The following EXOC6B variants were observed in gnomAD, a reference collection of about 807,000 sequenced individuals.
EXOC6B encodes the protein exocyst complex component 6B, also known as SEC15 homolog B.
EXOC6B carries 54 observed loss-of-function variants against 113.5 expected under a neutral mutation model. The ratio of observed to expected loss-of-function variants is 0.48; its 90% confidence interval spans 0.38 to 0.60. The LOEUF (loss-of-function observed/expected upper bound fraction) is 0.60. EXOC6B is among the 20% of genes least tolerant of loss of function. The probability of loss-of-function intolerance (pLI) is 0.00; values close to 1 mark genes in which losing one functional copy is unlikely to be tolerated. For synonymous variants in EXOC6B, 357 were observed against 339.0 expected (o/e 1.05, Z -0.58); for missense variants, 797 against 977.5 (o/e 0.82, Z 2.46).
At chr2:72,721,321 G>A (rs1188169033) in intron 5 of EXOC6B, among the ~76,000 whole-genome samples, 8 of 123,490 alleles carry the variant, frequency 6.5e-5, no homozygotes, top group Admixed American at 2.0e-4. Flanking sequence ...AGAGTAAGAC[G>A]CCATCTCAAA....
At chr2:72,382,776 A>AT (rs1159637262) in intron 18 of EXOC6B, among the ~76,000 whole-genome samples, 2 of 151,648 alleles carry the variant, frequency 1.3e-5, no homozygotes, top group Non-Finnish European at 2.9e-5. Flanking sequence ...TAGGTATTTT[A>AT]TTTTTTTGTA....
intron 19 of EXOC6B, among the ~76,000 whole-genome samples, chr2:72,378,312 C>T (rs1261202190): frequency 6.6e-6 from 1 of 152,218 alleles, no homozygotes; most frequent in Non-Finnish European, 1.5e-5. Context: ...CCAGCTGTCA[C>T]ATCAGCCCTA....
intron 20 of EXOC6B, among the ~76,000 whole-genome samples, chr2:72,189,307 T>C (rs189871583): frequency 6.6e-6 from 1 of 152,228 alleles, no homozygotes; most frequent in African/African-American, 2.4e-5. Context: ...AGTTTGGTTT[T>C]GTCTAGTGGC....
intron 8 of EXOC6B, among the ~76,000 whole-genome samples, chr2:72,528,864 T>G (rs1393919817): frequency 6.6e-6 from 1 of 152,132 alleles, no homozygotes; most frequent in African/African-American, 2.4e-5. Context: ...AACAATTGAT[T>G]GATGTATGTT....
At chr2:72,241,454 G>T (rs914456418) in intron 20 of EXOC6B, among the ~76,000 whole-genome samples, 3 of 152,196 alleles carry the variant, frequency 2.0e-5, no homozygotes, top group African/African-American at 7.2e-5. Context: ...AGAAGTACTT[G>T]AAGTAACAGA....
rs544394794 is a variant in EXOC6B at position 72,644,223 on chromosome 2, G to A, written c.670-68555C>T. ...TGATTGAAGATCAAATTAATGAAATGAAGCAAGAAGATAAGTTTAGAGAAA... is the reference window on the plus strand; with the variant it reads ...TGATTGAAGATCAAATTAATGAAATAAAGCAAGAAGATAAGTTTAGAGAAA... On this transcript the variant is annotated intron_variant, in intron 6 of 21. Coordinates refer to ENST00000272427, the MANE Select transcript of EXOC6B (RefSeq NM_015189.3). Among the ~76,000 whole-genome samples the A allele has an allele frequency of 1.7e-4, 26 of 152,224 alleles. No individual in the cohort carries two copies. In the South Asian group the frequency reaches 3.7e-3, roughly 22 times the overall value.
chr2:72,529,182 T>G (rs147647109), intron 8 of EXOC6B, among the ~76,000 whole-genome samples: 1 of 152,086 alleles, frequency 6.6e-6, no homozygotes, highest in South Asian at 2.1e-4. Context: ...AGCTACGGGG[T>G]TTTGGCATGT....
At chr2:72,552,780 ATATAT>A (rs1176483678) in intron 8 of EXOC6B, among the ~76,000 whole-genome samples, 2 of 152,008 alleles carry the variant, frequency 1.3e-5, no homozygotes, top group East Asian at 3.8e-4. Context: ...TAAAGAATAA[ATATAT>A]TAATATGTAT....
intron 1 of EXOC6B, among the ~76,000 whole-genome samples, chr2:72,758,601 C>G (rs1682579939): frequency 6.6e-6 from 1 of 152,146 alleles, no homozygotes; most frequent in Admixed American, 6.5e-5. Flanking sequence ...ACAGTATAGA[C>G]TAGCCCATTT....
intron 1 of EXOC6B, among the ~76,000 whole-genome samples, chr2:72,757,383 C>A (rs923596938): frequency 4.6e-5 from 7 of 152,188 alleles, no homozygotes; most frequent in Admixed American, 1.3e-4. Context: ...CTTGTTAGTA[C>A]TTGTACACAG....
rs555789204 is a variant in EXOC6B at position 72,406,763 on chromosome 2, A to G, written c.1981-26893T>C. ...ACAAGAGAAAGCAGGAAAGATCTAA[A>G]ATGGACACCCTAACATCACAATTAA... On this transcript the variant is annotated intron_variant, in intron 18 of 21. Coordinates refer to ENST00000272427, the MANE Select transcript of EXOC6B (RefSeq NM_015189.3). 6.7e-4 allele frequency among the ~76,000 whole-genome samples: 102 copies of G among 152,334 alleles called. 3 individuals are homozygous for G. The highest frequency in any genetic ancestry group is 6.1e-3 in the Admixed American group (93 of 15,304).
intron 6 of EXOC6B, among the ~76,000 whole-genome samples, chr2:72,612,682 T>C (rs1299440467): frequency 6.6e-6 from 1 of 152,210 alleles, no homozygotes; most frequent in African/African-American, 2.4e-5. Flanking sequence ...ACAACTGGAT[T>C]TGCGTGCCTG....
At chr2:72,282,658 C>T (rs974078577) in intron 20 of EXOC6B, among the ~76,000 whole-genome samples, 4 of 152,040 alleles carry the variant, frequency 2.6e-5, no homozygotes, top group Non-Finnish European at 4.4e-5. Context: ...ACACTCTCCA[C>T]GCTGCTCATT....
intron 20 of EXOC6B, among the ~76,000 whole-genome samples, chr2:72,213,814 G>A (rs549006869): frequency 6.6e-6 from 1 of 152,134 alleles, no homozygotes; most frequent in African/African-American, 2.4e-5. Flanking sequence ...GACACAGCAA[G>A]AAGTTTCCAT....
Position 72,492,352 on chromosome 2 carries a change from T to C in EXOC6B, c.1631A>G (p.Asn544Ser). 2 of 1,612,686 alleles carry C rather than the reference T, an allele frequency of 1.2e-6. No individual in the cohort carries two copies. Among genetic ancestry groups the C allele is most frequent in the Non-Finnish European group, 1.7e-6 (2 of 1,178,940 alleles). Residue 544 changes from asparagine to serine, a missense_variant, in exon 16 of 22, where the codon AAT becomes AGT. Coordinates refer to ENST00000272427, the MANE Select transcript of EXOC6B (RefSeq NM_015189.3). ...CCCAATATTCTTCCTTTTAATTACA[T>C]TCTGCAGAGAGTTGCTCAGAGTCCT... ...LTRTLSNSLQ[N>S]VIKRKNIGLT...
intron 1 of EXOC6B, among the ~76,000 whole-genome samples, chr2:72,790,014 A>G (rs1346659465): frequency 1.3e-5 from 2 of 152,174 alleles, no homozygotes; most frequent in Admixed American, 6.5e-5. Context: ...ATACCAATTT[A>G]CCTGGATGCT....
chr2:72,190,900 A>G (rs1448820904), intron 20 of EXOC6B, among the ~76,000 whole-genome samples: 2 of 152,188 alleles, frequency 1.3e-5, no homozygotes, highest in Non-Finnish European at 2.9e-5. Context: ...AACTTGGTAG[A>G]ATAGGAGAGT....
At chr2:72,491,719 C>T (rs1699755020) in intron 16 of EXOC6B, among the ~76,000 whole-genome samples, 1 of 152,076 alleles carries the variant, frequency 6.6e-6, no homozygotes, top group African/African-American at 2.4e-5. Flanking sequence ...AATATCCCTC[C>T]TCTTTTTATG....
At chr2:72,460,048 G>A (rs935776770) in intron 18 of EXOC6B, among the ~76,000 whole-genome samples, 94 of 151,890 alleles carry the variant, frequency 6.2e-4, no homozygotes, top group African/African-American at 2.1e-3. Flanking sequence ...CAGAAATAAC[G>A]CTGCATATCT....
Sources: allele counts gnomAD v4.1 joint callset (sites outside exome capture counted in the v4.1 genomes callset), GRCh38; gene constraint gnomAD v4.1.1; transcripts MANE v1.5; gene names NCBI Gene and HGNC (gene_info 2026-07-23, HGNC 2026-07-21).